PPP2R5C: variants seen among roughly 807,000 people sequenced by gnomAD.
PPP2R5C encodes the protein protein phosphatase 2 regulatory subunit B'gamma.
In PPP2R5C, 7 loss-of-function variants were observed where a neutral mutation model predicts 68.9. The ratio of observed to expected loss-of-function variants is 0.10; its 90% CI spans 0.06 to 0.19. PPP2R5C has a LOEUF of 0.19. Among genes scored for constraint, PPP2R5C ranks in the 10% least tolerant of loss-of-function variants. The pLI is 1.00. For missense variants in PPP2R5C, 348 were observed against 641.3 expected, an observed-to-expected ratio of 0.54 and a Z score of 4.94; for synonymous variants, 210 against 222.2, an observed-to-expected ratio of 0.95 and a Z score of 0.49.
intron 3 of PPP2R5C, among the ~76,000 whole-genome samples, chr14:101,794,344 C>G (rs954250582): frequency 6.6e-6 from 1 of 152,202 alleles, no homozygotes; most frequent in African/African-American, 2.4e-5. Flanking sequence ...TTACTGCAAA[C>G]AGTTGGAACT....
At chr14:101,898,074 T>A (rs575494558) in intron 8 of PPP2R5C, among the ~76,000 whole-genome samples, 2 of 152,138 alleles carry the variant, frequency 1.3e-5, no homozygotes, top group Admixed American at 6.5e-5. Flanking sequence ...GTGGAAGAGT[T>A]GTTTGAGCCC....
rs900172830 is a variant in PPP2R5C, at chr14:101,777,271, C to T, written c.94-8747C>T. ...ATAATGCGCTGTGAACATTGTGTAC[C>T]GATTTTTGTTTGAACACTTGTTTTC... On this transcript the variant is annotated intron_variant, in intron 2 of 14. Transcript: ENST00000328724. 6.6e-5 allele frequency among the ~76,000 whole-genome samples: 10 copies of T among 152,152 alleles called. No individual in the cohort carries two copies. In the East Asian group the frequency reaches 1.7e-3, roughly 26 times the overall value.
At chr14:101,798,167 A>G (rs78903612) in intron 3 of PPP2R5C, among the ~76,000 whole-genome samples, 11 of 152,108 alleles carry the variant, frequency 7.2e-5, no homozygotes, top group East Asian at 3.9e-4. Flanking sequence ...AAAAAAAAAA[A>G]GTGCTGGCCA....
At chr14:101,838,550 C>G (rs1040030262) in intron 1 of PPP2R5C, among the ~76,000 whole-genome samples, 1 of 152,202 alleles carries the variant, frequency 6.6e-6, no homozygotes, top group African/African-American at 2.4e-5. Flanking sequence ...GGCGGTCTTC[C>G]CAGCCCCTCC....
intron 2 of PPP2R5C, among the ~76,000 whole-genome samples, chr14:101,859,730 T>G (rs2042646243): frequency 6.6e-6 from 1 of 152,146 alleles, no homozygotes; most frequent in African/African-American, 2.4e-5. Context: ...GGGCCTGGTG[T>G]GGCAGGCAGC....
At chr14:101,883,236 C>CT (rs1277899514) in intron 3 of PPP2R5C, 21 bp from the exon 6 acceptor site, 1 of 1,449,416 alleles carries the variant, frequency 6.9e-7, no homozygotes, top group Non-Finnish European at 9.5e-7. Context: ...TTATTTGACT[C>CT]ATTGTTTTTT....
rs2037721290 is a variant in PPP2R5C at position 101,781,947 on chromosome 14, G to A, written c.94-4071G>A. 6.6e-6 allele frequency among the ~76,000 whole-genome samples: 1 copy of A among 151,726 alleles called. No individual in the cohort carries two copies. The highest frequency in any genetic ancestry group is 2.0e-4 in the East Asian group (1 of 5,094). On this transcript the variant is annotated intron_variant, in intron 2 of 14. Coordinates refer to the PPP2R5C transcript ENST00000328724. The surrounding 1 kb of genome is among the most constrained non-coding windows in gnomAD (Gnocchi z 6.4). Reference sequence around the variant, plus strand: ...CACCTCGTCTGCGCCCACCCGCTCTGGGCAGCTGCTCCCAAGGGAGCCCCT... The same window carrying A: ...CACCTCGTCTGCGCCCACCCGCTCTAGGCAGCTGCTCCCAAGGGAGCCCCT...
intron 1 of PPP2R5C, among the ~76,000 whole-genome samples, chr14:101,855,841 T>C (rs2140560732): frequency 6.6e-6 from 1 of 152,332 alleles, no homozygotes; most frequent in Middle Eastern, 3.4e-3. Flanking sequence ...ACTGAGTGAT[T>C]TTCTAAACCT....
At chr14:101,838,059 A>T (rs975183003) in intron 1 of PPP2R5C, among the ~76,000 whole-genome samples, 3 of 152,260 alleles carry the variant, frequency 2.0e-5, no homozygotes, top group African/African-American at 7.2e-5. Flanking sequence ...ATTAAATAAG[A>T]ATCAAAAGAA....
rs1257355988 is a variant in PPP2R5C, at chr14:101,891,084, T to C, written c.689+788T>C. On this transcript the variant is annotated intron_variant, in intron 6 of 13. Transcript: ENST00000334743. The surrounding 1 kb of genome is among the most constrained non-coding windows in gnomAD (Gnocchi z 4.9). Reference sequence around the variant, plus strand: ...ACCACGCCCGGCCACTTTTATTTAATTGATAACCCGTAGATTTTATATTAG... The same window carrying C: ...ACCACGCCCGGCCACTTTTATTTAACTGATAACCCGTAGATTTTATATTAG... 2.0e-5 allele frequency among the ~76,000 whole-genome samples: 3 copies of C among 152,194 alleles called. No homozygotes were observed. The highest frequency in any genetic ancestry group is 4.4e-5 in the Non-Finnish European group (3 of 68,036).
At chr14:101,853,787 G>C (rs990895348) in intron 1 of PPP2R5C, among the ~76,000 whole-genome samples, 2 of 152,090 alleles carry the variant, frequency 1.3e-5, no homozygotes, top group African/African-American at 4.8e-5. Flanking sequence ...TTGAACTGCT[G>C]TTAGGAGGAT....
intron 2 of PPP2R5C, among the ~76,000 whole-genome samples, chr14:101,858,604 A>G (rs1745595177): frequency 6.6e-6 from 1 of 152,084 alleles, no homozygotes; most frequent in African/African-American, 2.4e-5. Context: ...ATTTCTCCCT[A>G]CATCATGTAT....
At chr14:101,851,444 T>C (rs1177668510) in intron 1 of PPP2R5C, among the ~76,000 whole-genome samples, 1 of 151,970 alleles carries the variant, frequency 6.6e-6, no homozygotes, top group Admixed American at 6.6e-5. Flanking sequence ...TTAAAAAAAA[T>C]AAAAACGTGC....
At chr14:101,774,057 A>G (rs1384566113) in intron 2 of PPP2R5C, among the ~76,000 whole-genome samples, 1 of 152,208 alleles carries the variant, frequency 6.6e-6, no homozygotes, top group African/African-American at 2.4e-5. Context: ...GTAGGGAAGT[A>G]AGAGGATCTT....
intron 8 of PPP2R5C, among the ~76,000 whole-genome samples, chr14:101,897,596 G>C (rs901106165): frequency 6.6e-6 from 1 of 151,930 alleles, no homozygotes; most frequent in South Asian, 2.1e-4. Flanking sequence ...GTCTTTTCAC[G>C]TTCTTCTGCC....
intron 1 of PPP2R5C, among the ~76,000 whole-genome samples, chr14:101,821,265 A>G (rs1216938110): frequency 1.3e-5 from 2 of 151,974 alleles, no homozygotes; most frequent in Non-Finnish European, 2.9e-5. Flanking sequence ...AGCCATTTTC[A>G]AGTAATCAAT....
At position 101,865,911 on chromosome 14, in the gene PPP2R5C, C is replaced by CT. The variant is rs550089589; in HGVS notation, c.294+9034dup. On this transcript the variant is annotated intron_variant, in intron 2 of 13. Transcript: ENST00000334743. Reference sequence around the variant, plus strand: ...ACTCTGATATCTTGAGGTTACTTAACTTTTTTTTGAGACAGAGTCTTTCTC... The same window carrying CT: ...ACTCTGATATCTTGAGGTTACTTAACTTTTTTTTTGAGACAGAGTCTTTCTC... Among the ~76,000 whole-genome samples the CT allele has an allele frequency of 5.5e-3, 836 of 152,134 alleles. 7 individuals carry two copies. The highest frequency in any genetic ancestry group is 0.019 in the African/African-American group (803 of 41,522).
rs148476075 is a variant in PPP2R5C at position 101,884,587 on chromosome 14, G to A, written c.629+1025G>A. 5.7e-3 allele frequency among the ~76,000 whole-genome samples: 862 copies of A among 152,326 alleles called. 12 individuals are homozygous for A. The highest frequency in any genetic ancestry group is 0.018 in the African/African-American group (767 of 41,578). The stretch of plus-strand genomic sequence containing the variant: ...TGTGCACCAGGGGAGGGAAAGCCCC[G>A]CTGGAGCAGCCGGTGGAGGAGGACA... On this transcript the variant is annotated intron_variant, in intron 5 of 13. Transcript: ENST00000334743.
chr14:101,899,930 T>C lies in PPP2R5C; in HGVS notation c.853-1789T>C, dbSNP rs948083234. Among the ~76,000 whole-genome samples, 1 of 152,164 alleles carries C rather than the reference T, an allele frequency of 6.6e-6. No individual in the cohort carries two copies. Among genetic ancestry groups the C allele is most frequent in the South Asian group, 2.1e-4 (1 of 4,826 alleles). ...TTGGGGTTTTTGTTTGTTTGTTAGA[T>C]TCTTGGAGTACAGTGGCGCAGTCAT... On this transcript the variant is annotated intron_variant, in intron 8 of 13. Coordinates refer to ENST00000334743, the Ensembl canonical transcript of PPP2R5C. This position sits in a 1 kb window ranked among gnomAD's most constrained non-coding sequence, Gnocchi z 4.2.
Sources: gnomAD v4.1 joint callset for allele counts (sites outside exome capture counted in the v4.1 genomes callset) on GRCh38, gnomAD v4.1.1 for gene constraint, Gnocchi (gnomAD v3.1) non-coding constraint, MANE v1.5 for transcripts, NCBI Gene and HGNC (gene_info 2026-07-23, HGNC 2026-07-21) for gene names.